Variants in SHC3 observed in about 807,000 individuals in gnomAD.
SHC3 encodes the protein SHC adaptor protein 3, also known as SHC-transforming protein 3.
Under a neutral mutation model 60.4 loss-of-function variants are expected in SHC3, and 15 were observed. That is an observed-to-expected ratio of 0.25 (90% CI 0.17 to 0.38). SHC3 has a LOEUF of 0.38. Among genes scored for constraint, SHC3 ranks in the 10% least tolerant of loss-of-function variants. The pLI, the probability that SHC3 is intolerant of heterozygous loss-of-function variation, is 1.00. For synonymous variants in SHC3, 294 were observed against 325.9 expected (o/e 0.90, Z 1.05); for missense variants, 677 against 786.1 (o/e 0.86, Z 1.66).
chr9:89,109,952 T>A, intron 2 of SHC3: 1 of 985,450 alleles, frequency 1.0e-6, no homozygotes, highest in Non-Finnish European at 1.2e-6. Flanking sequence ...TGTTCCTTCA[T>A]TTATACCTAT....
chr9:89,029,421 A>G (rs1824433598), intron 11 of SHC3, among the ~76,000 whole-genome samples: 1 of 152,208 alleles, frequency 6.6e-6, no homozygotes, highest in African/African-American at 2.4e-5. Context: ...GAATCACACC[A>G]GTCATACTAC....
At chr9:89,168,950 AT>A (rs1256306445) in intron 1 of SHC3, among the ~76,000 whole-genome samples, 1 of 152,116 alleles carries the variant, frequency 6.6e-6, no homozygotes, top group Non-Finnish European at 1.5e-5. Flanking sequence ...AGACTGAAAC[AT>A]TGGCTTTTCC....
chr9:89,061,330 C>T (rs1450036088), intron 6 of SHC3, among the ~76,000 whole-genome samples: 2 of 152,202 alleles, frequency 1.3e-5, no homozygotes, highest in African/African-American at 4.8e-5. Flanking sequence ...TATTTAAGGC[C>T]TCTTTTAGAA....
At chr9:89,118,166 G>A (rs9410458) in intron 1 of SHC3, among the ~76,000 whole-genome samples, 2,048 of 150,442 alleles carry the variant, frequency 0.014, 24 homozygotes, top group Non-Finnish European at 0.021. Context: ...TTTTTTTAAA[G>A]TGTTGGTCAC....
chr9:89,048,734 T>C (rs1393436449), intron 7 of SHC3, among the ~76,000 whole-genome samples: 1 of 152,202 alleles, frequency 6.6e-6, no homozygotes, highest in Non-Finnish European at 1.5e-5. Flanking sequence ...CCCCAGAGAA[T>C]GGGGCTGGAA....
intron 2 of SHC3, among the ~76,000 whole-genome samples, chr9:89,083,700 T>C (rs1023567288): frequency 6.6e-6 from 1 of 152,192 alleles, no homozygotes; most frequent in Non-Finnish European, 1.5e-5. Context: ...TGCTTCATTA[T>C]GGAGACTGTT....
chr9:89,166,489 C>T (rs1826790736), intron 1 of SHC3, among the ~76,000 whole-genome samples: 1 of 152,164 alleles, frequency 6.6e-6, no homozygotes, highest in Non-Finnish European at 1.5e-5. Flanking sequence ...GAGGACTGCA[C>T]AAGAACCAAA....
chr9:89,060,636 G>A (rs1825072271), intron 6 of SHC3, among the ~76,000 whole-genome samples: 1 of 152,002 alleles, frequency 6.6e-6, no homozygotes, highest in Non-Finnish European at 1.5e-5. Context: ...GTGGGAGTGA[G>A]CTCACAGAAG....
chr9:89,113,036 G>T (rs935352304), intron 1 of SHC3, among the ~76,000 whole-genome samples: 1 of 151,742 alleles, frequency 6.6e-6, no homozygotes, highest in African/African-American at 2.4e-5. Flanking sequence ...GGCTTCTACA[G>T]GTTTACAATT....
rs377542995 is a variant in SHC3, at chr9:89,119,633, G to C, written c.475-7007C>G. On this transcript the variant is annotated intron_variant, in intron 1 of 11. Coordinates refer to ENST00000375835, the MANE Select transcript of SHC3 (RefSeq NM_016848.6). ...AAGGTGAGTGAATAAAAGAAAACCTGCTTATGTGGAAAGACATGTCATGCT... is the reference window on the plus strand; with the variant it reads ...AAGGTGAGTGAATAAAAGAAAACCTCCTTATGTGGAAAGACATGTCATGCT... Among the ~76,000 whole-genome samples the C allele has an allele frequency of 3.3e-5, 5 of 152,262 alleles. No individual in the cohort carries two copies. In the South Asian group the frequency reaches 1.0e-3, roughly 32 times the overall value.
chr9:89,167,936 C>T (rs887193202), intron 1 of SHC3, among the ~76,000 whole-genome samples: 38 of 152,314 alleles, frequency 2.5e-4, no homozygotes, highest in African/African-American at 9.1e-4. Flanking sequence ...GGGCTTGCCC[C>T]CACCTCGAGG....
chr9:89,084,949 C>T (rs977590765), intron 2 of SHC3, among the ~76,000 whole-genome samples: 9 of 152,268 alleles, frequency 5.9e-5, no homozygotes, highest in Non-Finnish European at 1.2e-4. Context: ...TAGAGACCCA[C>T]GGAACCCTGC....
chr9:89,151,087 C>G (rs1187024570), intron 1 of SHC3, among the ~76,000 whole-genome samples: 1 of 151,322 alleles, frequency 6.6e-6, no homozygotes, highest in African/African-American at 2.4e-5. Flanking sequence ...GCTGTGGTCA[C>G]TGCTCACTGC....
intron 2 of SHC3, among the ~76,000 whole-genome samples, chr9:89,100,550 A>G (rs1825768007): frequency 6.6e-6 from 1 of 152,114 alleles, no homozygotes; most frequent in Admixed American, 6.5e-5. Flanking sequence ...TGAAAAACCC[A>G]TATAGTCACG....
chr9:89,153,677 C>T (rs748072292), intron 1 of SHC3, among the ~76,000 whole-genome samples: 3 of 152,252 alleles, frequency 2.0e-5, no homozygotes, highest in Admixed American at 6.5e-5. Context: ...AACGGTGCCA[C>T]GACATCACCT....
At position 89,012,971 on chromosome 9, in the gene SHC3, G is replaced by A. The variant is rs1365674954; in HGVS notation, c.*476C>T. The A allele has an allele frequency of 6.6e-6, 1 of 151,968 alleles. No homozygotes were observed. Among genetic ancestry groups the A allele is most frequent in the South Asian group, 2.1e-4 (1 of 4,776 alleles). The allele number at this position is 151,968 out of a possible 1,614,324, so 9.4% of individuals were successfully genotyped here. A position where few individuals can be genotyped will look rare whatever the true frequency, so the allele number is the denominator to read the frequency against. On this transcript the variant is annotated 3_prime_UTR_variant, in exon 12 of 12. Transcript: ENST00000375835. Reference sequence around the variant, plus strand: ...CAGTATCTCATAGCTTTCAGTGCAGGGCTAGGCATGCTCTGAGCAGCATGC... The same window carrying A: ...CAGTATCTCATAGCTTTCAGTGCAGAGCTAGGCATGCTCTGAGCAGCATGC...
chr9:89,173,287 G>A (rs554450280), intron 1 of SHC3, among the ~76,000 whole-genome samples: 3 of 152,350 alleles, frequency 2.0e-5, no homozygotes, highest in Admixed American at 6.5e-5. Context: ...CAGCAGCACC[G>A]GCACATCCTG....
intron 2 of SHC3, among the ~76,000 whole-genome samples, chr9:89,102,626 T>C (rs1825799123): frequency 1.3e-5 from 2 of 152,192 alleles, no homozygotes. Flanking sequence ...AATAATGAAG[T>C]GTTTAACAGC....
intron 2 of SHC3, among the ~76,000 whole-genome samples, chr9:89,095,051 G>A (rs373543073): frequency 1.3e-5 from 2 of 152,264 alleles, no homozygotes; most frequent in South Asian, 2.1e-4. Flanking sequence ...TGTGGAAAAC[G>A]GCATGGCGGT....
Sources: gnomAD v4.1 joint callset for allele counts (sites outside exome capture counted in the v4.1 genomes callset) on GRCh38, gnomAD v4.1.1 for gene constraint, MANE v1.5 for transcripts, NCBI Gene and HGNC (gene_info 2026-07-23, HGNC 2026-07-21) for gene names.